USP24: variants seen among roughly 807,000 people sequenced by gnomAD.
USP24 encodes ubiquitin specific peptidase 24, also known as ubiquitin carboxyl-terminal hydrolase 24.
Under a neutral mutation model 361.6 loss-of-function variants are expected in USP24, and 97 were observed. That is an observed-to-expected ratio of 0.27 (90% confidence interval 0.23 to 0.32). The LOEUF is 0.32. Ranked by LOEUF, USP24 falls within the 10% of genes least tolerant of loss-of-function variation. The pLI is 1.00. For missense variants in USP24, 2,353 were observed against 3,165.6 expected, an observed-to-expected ratio of 0.74 and a Z score of 6.16; for synonymous variants, 1,098 against 1,124.6, an observed-to-expected ratio of 0.98 and a Z score of 0.47.
At chr1:55,074,354 C>T (rs2100396116) in intron 63 of USP24, among the ~76,000 whole-genome samples, 1 of 152,240 alleles carries the variant, frequency 6.6e-6, no homozygotes, top group Middle Eastern at 3.4e-3. Context: ...CATAAATAGG[C>T]CGGGCATGGT....
chr1:55,162,326 A>C, intron 7 of USP24, 62 bp from the exon 8 acceptor site: 1 of 1,406,690 alleles, frequency 7.1e-7, no homozygotes, highest in Non-Finnish European at 9.5e-7. Flanking sequence ...GTCAAAATTA[A>C]ACAAATCCCT....
At chr1:55,074,772 G>A (rs745861395) in intron 63 of USP24, among the ~76,000 whole-genome samples, 2 of 152,022 alleles carry the variant, frequency 1.3e-5, no homozygotes, top group Non-Finnish European at 2.9e-5. Flanking sequence ...AGAGTACAGC[G>A]TTCCAAAGGG....
At chr1:55,194,670 C>CCTCT (rs371229962) in intron 1 of USP24, among the ~76,000 whole-genome samples, 2 of 148,910 alleles carry the variant, frequency 1.3e-5, no homozygotes, top group South Asian at 2.1e-4. Context: ...TTTCTTTGTC[C>CCTCT]CTCTCTCTCT....
chr1:55,138,480 T>C, intron 26 of USP24, 128 bp downstream of exon 26: 5 of 610,442 alleles, frequency 8.2e-6, no homozygotes, highest in Middle Eastern at 4.1e-4. Flanking sequence ...TCATTTCAGG[T>C]CTTTATTCTA....
intron 37 of USP24, 90 bp from the exon 38 acceptor site, chr1:55,120,846 T>C (rs1646259757): frequency 3.6e-6 from 5 of 1,403,186 alleles, no homozygotes; most frequent in Non-Finnish European, 3.7e-6. Context: ...GTCCAGCCTA[T>C]TTAGTCAATC....
At chr1:55,194,797 G>C (rs1439268701) in intron 1 of USP24, among the ~76,000 whole-genome samples, 3 of 151,846 alleles carry the variant, frequency 2.0e-5, no homozygotes, top group African/African-American at 7.3e-5. Flanking sequence ...CCTAACCCCG[G>C]AACTGTGTCC....
chr1:55,134,049 C>T, intron 30 of USP24, 21 bp downstream of exon 30: 5 of 1,600,014 alleles, frequency 3.1e-6, no homozygotes, highest in Non-Finnish European at 4.3e-6. Flanking sequence ...AATTGCCATG[C>T]TAGTTAAAAA....
At chr1:55,177,137 C>G (rs1236782174) in intron 2 of USP24, among the ~76,000 whole-genome samples, 1 of 150,592 alleles carries the variant, frequency 6.6e-6, no homozygotes, top group East Asian at 1.9e-4. Context: ...AACCAAAAAA[C>G]CACACAAATA....
At chr1:55,082,432 G>T (rs1279056901) in intron 58 of USP24, among the ~76,000 whole-genome samples, 3 of 152,148 alleles carry the variant, frequency 2.0e-5, no homozygotes, top group Admixed American at 6.5e-5. Context: ...CATGTATTTT[G>T]AATCTATCAA....
chr1:55,199,605 G>C (rs1251000325), intron 1 of USP24, among the ~76,000 whole-genome samples: 3 of 145,688 alleles, frequency 2.1e-5, no homozygotes, highest in African/African-American at 8.4e-5. Flanking sequence ...GTGTGTGTGT[G>C]TGTGTGTGTG....
At position 55,137,385 on chromosome 1, in the gene USP24, T is replaced by C. The variant is rs990748961; in HGVS notation, c.3201+130A>G. 18 of 1,170,628 alleles carry C rather than the reference T, an allele frequency of 1.5e-5. No individual in the cohort carries two copies. The South Asian group carries it at 3.1e-4, about 20-fold the overall frequency. The allele number at this position is 1,170,628 out of a possible 1,614,324, so 72.5% of individuals were successfully genotyped here. A position where few individuals can be genotyped will look rare whatever the true frequency, so the allele number is the denominator to read the frequency against. ...GTGGGATGAAGAGATTTTTTTAAGA[T>C]GGAAGAAATAACACAACAAGCTTGA... On this transcript the variant is annotated intron_variant, in intron 28 of 67. Coordinates refer to ENST00000294383, the MANE Select transcript of USP24 (RefSeq NM_015306.3).
intron 1 of USP24, among the ~76,000 whole-genome samples, chr1:55,182,049 CTTT>C (rs948959554): frequency 2.0e-5 from 3 of 151,992 alleles, no homozygotes; most frequent in Non-Finnish European, 4.4e-5. Context: ...CTAATGACTT[CTTT>C]TTTATTTTTA....
At chr1:55,213,115 C>T (rs1252717657) in intron 1 of USP24, among the ~76,000 whole-genome samples, 1 of 152,186 alleles carries the variant, frequency 6.6e-6, no homozygotes, top group Admixed American at 6.5e-5. Flanking sequence ...CAGAGTTATA[C>T]AAACACCTTC....
intron 12 of USP24, among the ~76,000 whole-genome samples, chr1:55,155,738 G>C (rs1447119804): frequency 1.3e-5 from 2 of 152,146 alleles, no homozygotes; most frequent in Non-Finnish European, 2.9e-5. Context: ...GAAGCGCTGG[G>C]AGATGAGTGG....
chr1:55,143,150 AG>A (rs1477926746), intron 21 of USP24, 31 bp from the exon 22 acceptor site: 1 of 1,426,518 alleles, frequency 7.0e-7, no homozygotes, highest in African/African-American at 1.5e-5. Flanking sequence ...TAAATTATAA[AG>A]CATATCAAGA....
intron 1 of USP24, 106 bp from the exon 2 acceptor site, chr1:55,178,238 A>G: frequency 1.5e-5 from 17 of 1,105,742 alleles, no homozygotes; most frequent in Non-Finnish European, 2.1e-5. Context: ...GTAGCTATTA[A>G]TACCAATAGC....
intron 49 of USP24, 110 bp downstream of exon 49, chr1:55,096,842 C>T: frequency 1.4e-6 from 2 of 1,397,378 alleles, no homozygotes; most frequent in Non-Finnish European, 1.9e-6. Flanking sequence ...AAATGAAACA[C>T]AGTCAAGAAC....
intron 54 of USP24, among the ~76,000 whole-genome samples, chr1:55,090,167 T>C (rs1027033165): frequency 6.6e-5 from 10 of 152,128 alleles, no homozygotes; most frequent in African/African-American, 1.9e-4. Flanking sequence ...ATCATTAATA[T>C]CCTACCTTAT....
intron 51 of USP24, 143 bp downstream of exon 51, chr1:55,095,110 AAG>A (rs780420093): frequency 2.9e-5 from 29 of 983,666 alleles, no homozygotes; most frequent in Non-Finnish European, 3.8e-5. Context: ...ATGAAGCAAT[AAG>A]GGATTTATTT....
Sources: gnomAD v4.1 joint callset for allele counts (sites outside exome capture counted in the v4.1 genomes callset) on GRCh38, gnomAD v4.1.1 for gene constraint, MANE v1.5 for transcripts, NCBI Gene and HGNC (gene_info 2026-07-23, HGNC 2026-07-21) for gene names.